Variants in ZC3H12B observed in about 807,000 individuals in gnomAD.
The protein encoded by ZC3H12B is zinc finger CCCH-type containing 12B.
A neutral mutation model predicts 43.9 loss-of-function variants in ZC3H12B; 7 were observed. That is an observed-to-expected ratio of 0.16 (90% CI 0.09 to 0.30). ZC3H12B has a LOEUF of 0.30. ZC3H12B is among the 10% of genes least tolerant of loss of function. The pLI, the probability that ZC3H12B is intolerant of heterozygous loss-of-function variation, is 1.00. For missense variants in ZC3H12B, 475 were observed against 670.2 expected (o/e 0.71, Z 3.22); for synonymous variants, 222 against 241.7 (o/e 0.92, Z 0.76).
chrX:65,265,104 C>G, the ZC3H12B span, among the ~76,000 whole-genome samples: 1 of 111,836 alleles, frequency 8.9e-6, no homozygotes, highest in African/African-American at 3.2e-5. Context: ...CTAACATAAT[C>G]AGTGTCAAGT....
chrX:65,212,066 T>C, the ZC3H12B span, among the ~76,000 whole-genome samples: 1 of 61,748 alleles, frequency 1.6e-5, no homozygotes, highest in Admixed American at 3.2e-4. Context: ...ATATGTTATG[T>C]ATAATATATA....
chrX:65,118,156 A>G, the ZC3H12B span, among the ~76,000 whole-genome samples: 2 of 111,561 alleles, frequency 1.8e-5, no homozygotes, highest in Non-Finnish European at 3.8e-5. Flanking sequence ...CTTGGGCAAT[A>G]TGGCCATTTT....
At chrX:65,271,870 T>C in the ZC3H12B span, 1 of 154,669 alleles carries the variant, frequency 6.5e-6, no homozygotes, top group East Asian at 1.5e-4. Context: ...CCAGAAGAGA[T>C]GGATAATCAA....
chrX:65,471,076 T>A (rs771051503), intron 3 of ZC3H12B, among the ~76,000 whole-genome samples: 1 of 111,620 alleles, frequency 9.0e-6, no homozygotes. Context: ...AAGTCCAGTG[T>A]TTTTTTATTT....
chrX:65,466,509 T>C (rs1371414264), intron 3 of ZC3H12B, among the ~76,000 whole-genome samples: 2 of 110,264 alleles, frequency 1.8e-5, no homozygotes, highest in Non-Finnish European at 3.8e-5. Context: ...TCAGCTATTG[T>C]GAATAATACT....
At chrX:65,304,180 G>A in the ZC3H12B span, among the ~76,000 whole-genome samples, 1 of 111,693 alleles carries the variant, frequency 9.0e-6, no homozygotes, top group African/African-American at 3.2e-5. Context: ...CAATATAGAT[G>A]AATAAATCAA....
chrX:65,055,879 G>T, the ZC3H12B span, among the ~76,000 whole-genome samples: 1 of 111,962 alleles, frequency 8.9e-6, no homozygotes, highest in East Asian at 2.8e-4. Context: ...TTGCATAGAG[G>T]TGTTCATAGT....
chrX:65,395,818 G>T (rs1199765220), intron 2 of ZC3H12B, among the ~76,000 whole-genome samples: 1 of 111,647 alleles, frequency 9.0e-6, no homozygotes, highest in Non-Finnish European at 1.9e-5. Flanking sequence ...TCTGGTCCTG[G>T]CCTTTCTTTT....
chrX:65,115,629 C>T, the ZC3H12B span, among the ~76,000 whole-genome samples: 1 of 111,531 alleles, frequency 9.0e-6, no homozygotes, highest in Non-Finnish European at 1.9e-5. Context: ...GGGAATCTCC[C>T]CCACTGTTTT....
the ZC3H12B span, among the ~76,000 whole-genome samples, chrX:65,190,371 C>T: frequency 1.8e-5 from 2 of 111,021 alleles, no homozygotes; most frequent in Non-Finnish European, 3.8e-5. Flanking sequence ...GGCATTGAAT[C>T]TGTAAATTAC....
chrX:65,495,665 C>T (rs2068268429), intron 1 of ZC3H12B, among the ~76,000 whole-genome samples: 1 of 111,894 alleles, frequency 8.9e-6, no homozygotes, highest in East Asian at 2.8e-4. Context: ...AGATACCATG[C>T]TAAGAGATCG....
At chrX:65,152,190 C>G in the ZC3H12B span, among the ~76,000 whole-genome samples, 382 of 111,629 alleles carry the variant, frequency 3.4e-3, no homozygotes, top group Non-Finnish European at 5.3e-3. Context: ...GATGCCCTCT[C>G]TCACCACTCC....
the ZC3H12B span, among the ~76,000 whole-genome samples, chrX:65,195,703 G>T: frequency 1.8e-5 from 2 of 112,242 alleles, no homozygotes; most frequent in Non-Finnish European, 3.8e-5. Context: ...GGGTCTGTTT[G>T]CAGGAGCCAG....
At chrX:65,267,036 G>C in the ZC3H12B span, among the ~76,000 whole-genome samples, 1 of 110,272 alleles carries the variant, frequency 9.1e-6, no homozygotes, top group African/African-American at 3.3e-5. Flanking sequence ...GCTCAGAAAA[G>C]GCCTGAGAAG....
At chrX:65,180,047 A>T in the ZC3H12B span, among the ~76,000 whole-genome samples, 2 of 111,868 alleles carry the variant, frequency 1.8e-5, no homozygotes, top group Non-Finnish European at 3.8e-5. Flanking sequence ...CAGAGACACA[A>T]CAAAAAATGA....
At chrX:65,477,817 C>T (rs886261771) in intron 3 of ZC3H12B, among the ~76,000 whole-genome samples, 2 of 92,981 alleles carry the variant, frequency 2.2e-5, no homozygotes, top group Non-Finnish European at 4.3e-5. Flanking sequence ...AAACATTCCT[C>T]TGTGTGTGTG....
chrX:65,094,375 T>A, the ZC3H12B span, among the ~76,000 whole-genome samples: 2 of 110,371 alleles, frequency 1.8e-5, no homozygotes, highest in South Asian at 4.0e-4. Context: ...TTTATACAAC[T>A]GCAAAACCTA....
the ZC3H12B span, among the ~76,000 whole-genome samples, chrX:65,188,558 T>C: frequency 3.6e-5 from 4 of 110,870 alleles, no homozygotes; most frequent in Non-Finnish European, 7.6e-5. Flanking sequence ...TGCATTTCTT[T>C]GATGATCAAT....
chrX:65,070,700 G>C, the ZC3H12B span, among the ~76,000 whole-genome samples: 1 of 110,095 alleles, frequency 9.1e-6, no homozygotes, highest in Admixed American at 9.7e-5. Context: ...ACCCAAGAGT[G>C]GTTCAGGAGC....
Sources: allele counts gnomAD v4.1 joint callset (sites outside exome capture counted in the v4.1 genomes callset), GRCh38; gene constraint gnomAD v4.1.1; transcripts MANE v1.5; gene names NCBI Gene and HGNC (gene_info 2026-07-23, HGNC 2026-07-21).